PPP2R2C: variants seen among roughly 807,000 people sequenced by gnomAD.
The protein encoded by PPP2R2C is protein phosphatase 2 regulatory subunit Bgamma.
In PPP2R2C, 10 loss-of-function variants were observed where a neutral mutation model predicts 45.3. That is an observed-to-expected ratio of 0.22 (90% CI 0.14 to 0.37). The LOEUF is 0.37. PPP2R2C is among the 10% of genes least tolerant of loss of function. PPP2R2C has a pLI of 1.00. For missense variants in PPP2R2C, 308 were observed against 619.7 expected, an observed-to-expected ratio of 0.50 and a Z score of 5.34; for synonymous variants, 257 against 245.4, an observed-to-expected ratio of 1.05 and a Z score of -0.44.
chr4:6,327,502 C>T (rs1732043196), intron 8 of PPP2R2C, among the ~76,000 whole-genome samples: 1 of 152,206 alleles, frequency 6.6e-6, no homozygotes, highest in Non-Finnish European at 1.5e-5. Flanking sequence ...TCGCAGCCAG[C>T]GGGGACCTAC....
At chr4:6,463,827 G>A (rs144035225) in intron 1 of PPP2R2C, among the ~76,000 whole-genome samples, 15 of 152,328 alleles carry the variant, frequency 9.8e-5, no homozygotes, top group African/African-American at 2.4e-4. Flanking sequence ...TACCTGTGCC[G>A]TGAAGGGGGT....
At chr4:6,436,270 G>A (rs1719890429) in intron 1 of PPP2R2C, among the ~76,000 whole-genome samples, 1 of 152,232 alleles carries the variant, frequency 6.6e-6, no homozygotes, top group African/African-American at 2.4e-5. Context: ...ACCAGCCAAT[G>A]CACTTGTTCT....
chr4:6,354,513 C>T (rs73206106), intron 5 of PPP2R2C, among the ~76,000 whole-genome samples: 34,788 of 152,032 alleles, frequency 0.23, 4,389 homozygotes, highest in Non-Finnish European at 0.28. Flanking sequence ...TCACACACGA[C>T]CTGCCCAGAG....
At chr4:6,424,088 G>A (rs1459679673) in intron 1 of PPP2R2C, among the ~76,000 whole-genome samples, 1 of 152,242 alleles carries the variant, frequency 6.6e-6, no homozygotes. Flanking sequence ...CTTAAGGCCA[G>A]GAGGCTCTTC....
chr4:6,512,567 T>G (rs1723685196), intron 2 of PPP2R2C, among the ~76,000 whole-genome samples: 2 of 130,436 alleles, frequency 1.5e-5, no homozygotes, highest in Non-Finnish European at 1.6e-5. Flanking sequence ...GTGGTGGTGG[T>G]GGTGATGGTG....
intron 1 of PPP2R2C, among the ~76,000 whole-genome samples, chr4:6,419,851 G>C (rs1015616481): frequency 2.6e-5 from 4 of 152,048 alleles, no homozygotes; most frequent in African/African-American, 9.7e-5. Flanking sequence ...GTCATCACAC[G>C]GCCTTCCTCT....
At chr4:6,546,759 T>A (rs905187306) in intron 1 of PPP2R2C, among the ~76,000 whole-genome samples, 3 of 152,206 alleles carry the variant, frequency 2.0e-5, no homozygotes, top group African/African-American at 7.2e-5. Flanking sequence ...CTCCACCCGC[T>A]GTCAGAATTT....
At chr4:6,462,269 G>A (rs1721363974) in intron 1 of PPP2R2C, among the ~76,000 whole-genome samples, 1 of 152,192 alleles carries the variant, frequency 6.6e-6, no homozygotes, top group African/African-American at 2.4e-5. Context: ...GAGGTCAGGA[G>A]TTCAAGACCA....
chr4:6,529,434 G>A (rs1226147888), intron 2 of PPP2R2C, among the ~76,000 whole-genome samples: 1 of 152,252 alleles, frequency 6.6e-6, no homozygotes, highest in Non-Finnish European at 1.5e-5. Context: ...CATGAGCCAA[G>A]CTGCATGGGC....
At chr4:6,350,442 T>G in intron 5 of PPP2R2C, 1 of 985,358 alleles carries the variant, frequency 1.0e-6, no homozygotes, top group East Asian at 1.1e-4. Flanking sequence ...GGGGCTACAT[T>G]CTCTCTGCAC....
chr4:6,347,786 A>ACATCCCCCCCCCCCCCCCGCCCC, intron 6 of PPP2R2C, 60 bp downstream of exon 6: 2 of 1,409,216 alleles, frequency 1.4e-6, no homozygotes, highest in Admixed American at 2.0e-5. Flanking sequence ...CCAGGACAGG[A>ACATCCCCCCCCCCCCCCCGCCCC]CATCCCACCC....
chr4:6,414,686 T>C (rs1164527139), intron 1 of PPP2R2C, among the ~76,000 whole-genome samples: 1 of 151,794 alleles, frequency 6.6e-6, no homozygotes. Context: ...AGGGGAACTC[T>C]TGTTGGGCTC....
intron 5 of PPP2R2C, among the ~76,000 whole-genome samples, chr4:6,365,966 C>A (rs893687174): frequency 2.6e-5 from 4 of 152,194 alleles, no homozygotes; most frequent in Non-Finnish European, 5.9e-5. Context: ...TCACCCAGTG[C>A]TGTGTTAACA....
intron 2 of PPP2R2C, among the ~76,000 whole-genome samples, chr4:6,488,288 T>C (rs1353736336): frequency 3.3e-5 from 5 of 152,260 alleles, no homozygotes; most frequent in Non-Finnish European, 7.3e-5. Context: ...TTTTACTGGA[T>C]GCCAGACTTT....
intron 1 of PPP2R2C, among the ~76,000 whole-genome samples, chr4:6,428,520 CAG>C (rs1269857586): frequency 1.3e-5 from 2 of 152,202 alleles, no homozygotes; most frequent in Non-Finnish European, 2.9e-5. Flanking sequence ...ACCAATTGCA[CAG>C]AGTCACCCGT....
intron 2 of PPP2R2C, among the ~76,000 whole-genome samples, chr4:6,515,722 C>G (rs560791193): frequency 1.7e-4 from 26 of 152,246 alleles, no homozygotes; most frequent in Non-Finnish European, 3.5e-4. Context: ...CAAGCTCCAA[C>G]TGCATGCCAG....
intron 1 of PPP2R2C, among the ~76,000 whole-genome samples, chr4:6,453,001 G>A (rs1034945004): frequency 6.6e-6 from 1 of 152,230 alleles, no homozygotes; most frequent in Non-Finnish European, 1.5e-5. Flanking sequence ...AGGCTGATCA[G>A]GATAGAGCAG....
chr4:6,352,696 A>C (rs1577095870), intron 5 of PPP2R2C, among the ~76,000 whole-genome samples: 1 of 152,342 alleles, frequency 6.6e-6, no homozygotes, highest in South Asian at 2.1e-4. Context: ...ATCGCTCTTC[A>C]ATCCCATATG....
chr4:6,517,803 A>C (rs1464092382), intron 2 of PPP2R2C, among the ~76,000 whole-genome samples: 4 of 152,208 alleles, frequency 2.6e-5, no homozygotes, highest in African/African-American at 4.8e-5. Context: ...CCAGGTAGAC[A>C]GGGGTTCCAA....
Sources: allele counts gnomAD v4.1 joint callset (sites outside exome capture counted in the v4.1 genomes callset), GRCh38; gene constraint gnomAD v4.1.1; transcripts MANE v1.5; gene names NCBI Gene and HGNC (gene_info 2026-07-23, HGNC 2026-07-21).